Variants in ZNF705G observed in about 807,000 individuals in gnomAD.
ZNF705G encodes the protein zinc finger protein 705G, also known as putative zinc finger protein 705G.
In ZNF705G, 23 loss-of-function variants were observed where a neutral mutation model predicts 19.6. The ratio of observed to expected loss-of-function variants is 1.17; its 90% CI spans 0.84 to 1.66. ZNF705G has a LOEUF of 1.66. Ranked by LOEUF, ZNF705G falls within the 40% of genes most tolerant of loss-of-function variation. The probability of loss-of-function intolerance (pLI) is 0.00; values close to 1 mark genes in which losing one functional copy is unlikely to be tolerated. For missense variants in ZNF705G, 457 were observed against 354.4 expected, an observed-to-expected ratio of 1.29 and a Z score of -2.32; for synonymous variants, 146 against 117.7, an observed-to-expected ratio of 1.24 and a Z score of -1.56.
intron 2 of ZNF705G, among the ~76,000 whole-genome samples, chr8:7,367,591 G>A (rs1469816010): frequency 6.7e-6 from 1 of 149,588 alleles, no homozygotes; most frequent in Admixed American, 6.6e-5. Flanking sequence ...TCTCCCTAAA[G>A]GACGAATCAC....
At chr8:7,381,041 A>C (rs1172233036) in intron 2 of ZNF705G, among the ~76,000 whole-genome samples, 3 of 137,324 alleles carry the variant, frequency 2.2e-5, no homozygotes, top group South Asian at 2.2e-4. Flanking sequence ...AAAAAAAAAA[A>C]AAAAAAAAAA....
chr8:7,369,153 C>G (rs1806987107), intron 2 of ZNF705G, among the ~76,000 whole-genome samples: 1 of 149,320 alleles, frequency 6.7e-6, no homozygotes, highest in Non-Finnish European at 1.5e-5. Context: ...AGAAACTGCC[C>G]CCATGATTCA....
rs550147507 is a variant in ZNF705G at position 7,359,485 on chromosome 8, C to T, written c.318+134G>A. The T allele has an allele frequency of 6.6e-5, 94 of 1,427,918 alleles. No individual in the cohort carries two copies. The Middle Eastern group carries it at 1.3e-3, about 20-fold the overall frequency. 88.5% of individuals were successfully genotyped at this position (1,427,918 alleles called of 1,614,324 possible). On this transcript the variant is annotated intron_variant, in intron 6 of 6. Coordinates refer to ENST00000400156, the MANE Select transcript of ZNF705G (RefSeq NM_001164457.3). ...AATGTATTCACTAAATTCAAAGTATCCAATTTTTTTTTTTTGCTTAGAAAA... is the reference window on the plus strand; with the variant it reads ...AATGTATTCACTAAATTCAAAGTATTCAATTTTTTTTTTTTGCTTAGAAAA...
At position 7,357,988 on chromosome 8, in the gene ZNF705G, G is replaced by T. The variant is rs1413672996; in HGVS notation, c.891C>A (p.Ser297=). ...LLCGKAFSLS[S]NLR ...GTGTTCTCTCATGTCATCTAAGGTT[G>T]GAAGACAGACTGAAGGCCTTCCCAC... Residue 297 remains serine (S), a synonymous_variant, in exon 7 of 7, where the codon TCC becomes TCA. Coordinates refer to ENST00000400156, the MANE Select transcript of ZNF705G (RefSeq NM_001164457.3). 6.2e-6 allele frequency: 10 copies of T among 1,609,200 alleles called. No individual in the cohort carries two copies. The highest frequency in any genetic ancestry group is 7.6e-6 in the Non-Finnish European group (9 of 1,179,786).
rs985653199 is a variant in ZNF705G, at chr8:7,357,706, G to A, written c.*270C>T. On this transcript the variant is annotated 3_prime_UTR_variant, in exon 7 of 7. Transcript: ENST00000400156. ...GGACTGAAGAATAAAGGTAACTGAA[G>A]TATCTTCCATGTTGATTACAGTATT... 8 of 599,844 alleles carry A rather than the reference G, an allele frequency of 1.3e-5. No homozygotes were observed. Among genetic ancestry groups the A allele is most frequent in the African/African-American group, 4.1e-5 (2 of 48,964 alleles). 37.2% of individuals were successfully genotyped at this position (599,844 alleles called of 1,614,324 possible). A position where few individuals can be genotyped will look rare whatever the true frequency, so the allele number is the denominator to read the frequency against.
At chr8:7,366,625 TA>T (rs2128839985) in intron 2 of ZNF705G, among the ~76,000 whole-genome samples, 1 of 149,764 alleles carries the variant, frequency 6.7e-6, no homozygotes, top group East Asian at 1.9e-4. Context: ...ACAATAAAGC[TA>T]AAACAATATC....
At chr8:7,380,499 G>A (rs1807440327) in intron 2 of ZNF705G, among the ~76,000 whole-genome samples, 2 of 147,450 alleles carry the variant, frequency 1.4e-5, no homozygotes, top group South Asian at 4.2e-4. Context: ...AGAGCTTAAG[G>A]ATAGGACTTC....
chr8:7,370,250 G>A (rs1807041798), intron 2 of ZNF705G, among the ~76,000 whole-genome samples: 1 of 139,580 alleles, frequency 7.2e-6, no homozygotes. Flanking sequence ...CAGCCTGTGT[G>A]ACACACCGAG....
chr8:7,361,997 C>T (rs189069533), intron 3 of ZNF705G, among the ~76,000 whole-genome samples: 1 of 149,734 alleles, frequency 6.7e-6, no homozygotes, highest in Non-Finnish European at 1.5e-5. Context: ...AAATCTTAGT[C>T]CGATGATTCC....
intron 1 of ZNF705G, among the ~76,000 whole-genome samples, chr8:7,383,628 A>T (rs796843452): frequency 7.6e-6 from 1 of 131,820 alleles, no homozygotes; most frequent in Admixed American, 7.3e-5. Context: ...CAACCCCCAA[A>T]GTGGTGATGA....
At chr8:7,368,784 T>A (rs1806971340) in intron 2 of ZNF705G, among the ~76,000 whole-genome samples, 1 of 149,552 alleles carries the variant, frequency 6.7e-6, no homozygotes. Flanking sequence ...CACAGCAATC[T>A]AGGTCTCAGC....
At position 7,385,299 on chromosome 8, in the gene ZNF705G, A is replaced by G. The variant is rs1164931296; in HGVS notation, c.-222+199T>C. Among the ~76,000 whole-genome samples, 6 of 148,922 alleles carry G rather than the reference A, an allele frequency of 4.0e-5. No individual in the cohort carries two copies. In the East Asian group the frequency reaches 9.7e-4, roughly 24 times the overall value. On this transcript the variant is annotated intron_variant, in intron 1 of 6. Transcript: ENST00000400156. ...TCAGCATGAATTTTGGGGGAGAGACACAAACACTCATACCACAGCAAATAA... is the reference window on the plus strand; with the variant it reads ...TCAGCATGAATTTTGGGGGAGAGACGCAAACACTCATACCACAGCAAATAA...
intron 2 of ZNF705G, among the ~76,000 whole-genome samples, chr8:7,380,359 G>A (rs1291018182): frequency 6.8e-6 from 1 of 147,464 alleles, no homozygotes. Context: ...GTCTGTCATT[G>A]GCACCTGTGC....
intron 2 of ZNF705G, among the ~76,000 whole-genome samples, chr8:7,367,283 G>C (rs1476905615): frequency 6.7e-6 from 1 of 149,280 alleles, no homozygotes; most frequent in Admixed American, 6.6e-5. Flanking sequence ...TCAGGTGATG[G>C]CCTGTCAATT....
intron 2 of ZNF705G, among the ~76,000 whole-genome samples, chr8:7,378,793 G>A (rs1311290144): frequency 6.9e-6 from 1 of 145,964 alleles, no homozygotes; most frequent in Non-Finnish European, 1.5e-5. Flanking sequence ...GGCCCACCTG[G>A]ATAATCTAAG....
chr8:7,383,552 A>C (rs1397618964), intron 1 of ZNF705G, among the ~76,000 whole-genome samples: 2 of 146,600 alleles, frequency 1.4e-5, no homozygotes, highest in Admixed American at 6.6e-5. Flanking sequence ...GGGAGGAAGG[A>C]GGTAAGGAAG....
In ZNF705G at chr8:7,356,200, T is replaced by C. The variant is rs1371218283; in HGVS notation, c.*1776A>G. 1.3e-5 allele frequency: 2 copies of C among 149,474 alleles called. No individual in the cohort carries two copies. Among genetic ancestry groups the C allele is most frequent in the African/African-American group, 5.2e-5 (2 of 38,822 alleles). The allele number at this position is 149,474 out of a possible 1,614,324, so 9.3% of individuals were successfully genotyped here. On this transcript the variant is annotated 3_prime_UTR_variant, in exon 7 of 7. Coordinates refer to ENST00000400156, the MANE Select transcript of ZNF705G (RefSeq NM_001164457.3). ...TTCAGGAAAAGTACATTGAATCAAA[T>C]ATAGGAAAGGCTTGCAAGGTGGCTG... is the stretch of plus-strand genomic sequence containing the variant.
At position 7,383,756 on chromosome 8, in the gene ZNF705G, A is replaced by G. The variant is rs1449869756; in HGVS notation, c.-222+1742T>C. Among the ~76,000 whole-genome samples the G allele has an allele frequency of 8.0e-5, 12 of 149,404 alleles. 1 individual carries two copies. Among genetic ancestry groups the G allele is most frequent in the African/African-American group, 2.1e-4 (8 of 38,812 alleles). On this transcript the variant is annotated intron_variant, in intron 1 of 6. Coordinates refer to ENST00000400156, the MANE Select transcript of ZNF705G (RefSeq NM_001164457.3). ...AGCTCGTTTGTACCTTTCACCACAT[A>G]ACAACACAGAGAAGGAAGCGAGCTC... is the stretch of plus-strand genomic sequence containing the variant.
At chr8:7,361,294 A>T in intron 3 of ZNF705G, 58 bp from the exon 4 acceptor site, 2 of 1,592,030 alleles carry the variant, frequency 1.3e-6, no homozygotes, top group Non-Finnish European at 8.5e-7. Context: ...TGTCCGGAAG[A>T]GGAAGGCTGA....
Sources: allele counts gnomAD v4.1 joint callset (sites outside exome capture counted in the v4.1 genomes callset), GRCh38; gene constraint gnomAD v4.1.1; transcripts MANE v1.5; gene names NCBI Gene and HGNC (gene_info 2026-07-23, HGNC 2026-07-21).